RSPO2: variants seen among roughly 807,000 people sequenced by gnomAD.
RSPO2 encodes the protein R-spondin-2.
RSPO2 carries 14 observed loss-of-function variants against 30.9 expected under a neutral mutation model. The observed-to-expected ratio is 0.45, with a 90% CI of 0.30 to 0.71. The LOEUF (loss-of-function observed/expected upper bound fraction) is 0.71. Ranked by LOEUF, RSPO2 falls within the 30% of genes least tolerant of loss-of-function variation. RSPO2 has a pLI of 0.08. For missense variants in RSPO2, 264 were observed against 301.9 expected (o/e 0.87, Z 0.93); for synonymous variants, 107 against 96.4 (o/e 1.11, Z -0.64).
At chr8:108,036,375 A>G (rs1351197187) in intron 2 of RSPO2, among the ~76,000 whole-genome samples, 1 of 152,224 alleles carries the variant, frequency 6.6e-6, no homozygotes, top group Non-Finnish European at 1.5e-5. Flanking sequence ...ATATGCTAAC[A>G]TATATAGCAA....
chr8:108,014,673 A>C (rs1003856286), intron 2 of RSPO2, among the ~76,000 whole-genome samples: 2 of 151,878 alleles, frequency 1.3e-5, no homozygotes, highest in African/African-American at 4.8e-5. Context: ...GGAGGGGAAC[A>C]TCACACACTG....
At chr8:107,914,829 C>A (rs189221640) in intron 5 of RSPO2, among the ~76,000 whole-genome samples, 9 of 152,112 alleles carry the variant, frequency 5.9e-5, no homozygotes, top group South Asian at 2.1e-4. Flanking sequence ...ATTTTAGGTG[C>A]CTTTATGTGT....
intron 2 of RSPO2, chr8:107,989,566 A>C (rs1814776330): frequency 4.1e-6 from 1 of 242,990 alleles, no homozygotes; most frequent in African/African-American, 2.3e-5. Context: ...ATTTATGTGA[A>C]GATCTAGCAC....
intron 5 of RSPO2, among the ~76,000 whole-genome samples, chr8:107,940,551 A>G (rs991695694): frequency 1.3e-5 from 2 of 152,146 alleles, no homozygotes. Flanking sequence ...AAAAAGTCAG[A>G]TGGTCTTTTT....
intron 5 of RSPO2, among the ~76,000 whole-genome samples, chr8:107,919,144 A>G (rs1009077321): frequency 1.3e-5 from 2 of 152,124 alleles, no homozygotes; most frequent in South Asian, 2.1e-4. Context: ...CTTGGGGTCA[A>G]CACCTACCCC....
chr8:107,904,392 G>A (rs1811574935), intron 5 of RSPO2, among the ~76,000 whole-genome samples: 1 of 151,842 alleles, frequency 6.6e-6, no homozygotes, highest in African/African-American at 2.4e-5. Context: ...TTTTACGAGG[G>A]GATTGTCAAC....
intron 5 of RSPO2, among the ~76,000 whole-genome samples, chr8:107,957,865 T>C (rs1479408668): frequency 1.3e-5 from 2 of 152,248 alleles, no homozygotes; most frequent in Non-Finnish European, 2.9e-5. Context: ...TCCTAAGTTA[T>C]GTTTAAGATA....
intron 5 of RSPO2, among the ~76,000 whole-genome samples, chr8:107,921,748 T>C (rs1018115219): frequency 2.0e-5 from 3 of 152,148 alleles, no homozygotes; most frequent in Non-Finnish European, 4.4e-5. Flanking sequence ...TCAAACAGCT[T>C]ATCCACCATG....
At chr8:107,908,749 GAT>G (rs1811731434) in intron 5 of RSPO2, among the ~76,000 whole-genome samples, 1 of 152,112 alleles carries the variant, frequency 6.6e-6, no homozygotes, top group African/African-American at 2.4e-5. Context: ...CTGTTAAAAA[GAT>G]ATTTGGGCTA....
intron 2 of RSPO2, among the ~76,000 whole-genome samples, chr8:108,012,415 T>C (rs1307239283): frequency 6.6e-6 from 1 of 152,200 alleles, no homozygotes; most frequent in African/African-American, 2.4e-5. Flanking sequence ...CTGTAAGGCA[T>C]TCAGATCAAA....
chr8:108,052,964 C>CAT (rs750455863), intron 2 of RSPO2, among the ~76,000 whole-genome samples: 9 of 151,942 alleles, frequency 5.9e-5, no homozygotes, highest in South Asian at 2.1e-4. Context: ...CTCTCTTACA[C>CAT]ATATATATAT....
rs775524846 is a variant in RSPO2 at position 107,901,081 on chromosome 8, G to A, written c.726C>T (p.Asn242=). ...HSVFLATDRA[N]Q is the part of the protein sequence containing the mutation. ...ATCTACCGGATCTCTTGTTTTATTG[G>A]TTAGCTCTGTCTGTAGCTAGGAAGA... is the stretch of plus-strand genomic sequence containing the variant. The change falls in exon 6 of 6, where the codon AAC becomes AAT. Residue 242 remains asparagine (N), a synonymous_variant. Transcript: ENST00000276659. The A allele has an allele frequency of 1.9e-6, 3 of 1,612,548 alleles. No individual in the cohort carries two copies. Among genetic ancestry groups the A allele is most frequent in the Non-Finnish European group, 2.5e-6 (3 of 1,179,734 alleles).
intron 5 of RSPO2, among the ~76,000 whole-genome samples, chr8:107,926,056 T>C (rs1218304155): frequency 6.6e-6 from 1 of 152,110 alleles, no homozygotes; most frequent in East Asian, 1.9e-4. Flanking sequence ...CCACATCCTC[T>C]CCAGCACCTG....
chr8:108,045,936 T>C (rs376531351), intron 2 of RSPO2, among the ~76,000 whole-genome samples: 1 of 152,216 alleles, frequency 6.6e-6, no homozygotes, highest in South Asian at 2.1e-4. Context: ...TCTTTTCCTT[T>C]TTACCTTGTC....
chr8:108,005,041 T>C (rs1236199176), intron 2 of RSPO2, among the ~76,000 whole-genome samples: 1 of 152,188 alleles, frequency 6.6e-6, no homozygotes, highest in Non-Finnish European at 1.5e-5. Context: ...TCTCCTTTAA[T>C]CTGGAGTTCT....
intron 2 of RSPO2, among the ~76,000 whole-genome samples, chr8:108,045,056 T>G (rs1278723976): frequency 1.3e-5 from 2 of 151,866 alleles, no homozygotes; most frequent in Admixed American, 1.3e-4. Context: ...GCAATTGTAA[T>G]AAAAACAAAA....
intron 5 of RSPO2, among the ~76,000 whole-genome samples, chr8:107,922,734 G>A (rs1812217402): frequency 6.6e-6 from 1 of 151,968 alleles, no homozygotes; most frequent in South Asian, 2.1e-4. Context: ...ACATGGTACT[G>A]GTACAAAAAC....
At chr8:108,005,279 T>C (rs1330237445) in intron 2 of RSPO2, among the ~76,000 whole-genome samples, 1 of 152,206 alleles carries the variant, frequency 6.6e-6, no homozygotes. Context: ...GTTTCTATAC[T>C]ATAAAGTTGC....
intron 2 of RSPO2, among the ~76,000 whole-genome samples, chr8:108,027,863 A>G (rs1811274646): frequency 6.6e-6 from 1 of 152,182 alleles, no homozygotes; most frequent in Non-Finnish European, 1.5e-5. Flanking sequence ...TGTAACCTTC[A>G]TACCTTTCAA....
Sources: allele counts gnomAD v4.1 joint callset (sites outside exome capture counted in the v4.1 genomes callset), GRCh38; gene constraint gnomAD v4.1.1; transcripts MANE v1.5; gene names NCBI Gene and HGNC (gene_info 2026-07-23, HGNC 2026-07-21).